EPHB1: variants seen among roughly 807,000 people sequenced by gnomAD.
EPHB1 encodes the protein ephrin type-B receptor 1.
EPHB1 carries 30 observed loss-of-function variants against 94.4 expected under a neutral mutation model. That is an observed-to-expected ratio of 0.32 (90% CI 0.24 to 0.43). EPHB1 has a LOEUF of 0.43. Among genes scored for constraint, EPHB1 ranks in the 20% least tolerant of loss-of-function variants. EPHB1 has a pLI of 1.00. For missense variants in EPHB1, 1,055 were observed against 1,308.3 expected, an observed-to-expected ratio of 0.81 and a Z score of 2.99; for synonymous variants, 522 against 489.1, an observed-to-expected ratio of 1.07 and a Z score of -0.89.
At position 135,259,315 on chromosome 3, in the gene EPHB1, C is replaced by T. The variant is rs1212635049; in HGVS notation, c.*195C>T. 8 of 446,006 alleles carry T rather than the reference C, an allele frequency of 1.8e-5. No homozygotes were observed. Among genetic ancestry groups the T allele is most frequent in the Non-Finnish European group, 3.2e-5 (8 of 250,194 alleles). 27.6% of individuals were successfully genotyped at this position (446,006 alleles called of 1,614,324 possible). On this transcript the variant is annotated 3_prime_UTR_variant, in exon 16 of 16. Transcript: ENST00000398015. ...CAGTGACAGAAGCATGTTTGAGATG[C>T]CGTGGGAAACCAAATATATAATAAT...
At chr3:134,995,074 A>T (rs1934945520) in intron 3 of EPHB1, among the ~76,000 whole-genome samples, 1 of 152,118 alleles carries the variant, frequency 6.6e-6, no homozygotes, top group Non-Finnish European at 1.5e-5. Context: ...CATAGTCAAG[A>T]CACAGAACAG....
chr3:134,978,095 C>A, intron 3 of EPHB1: 1 of 417,550 alleles, frequency 2.4e-6, no homozygotes. Context: ...GCTTGTGGAG[C>A]CTCAAAAATG....
chr3:135,200,037 T>C (rs1235383744), intron 11 of EPHB1, among the ~76,000 whole-genome samples: 1 of 152,166 alleles, frequency 6.6e-6, no homozygotes, highest in African/African-American at 2.4e-5. Flanking sequence ...GCAGTAAACA[T>C]AGACTAGACC....
intron 1 of EPHB1, among the ~76,000 whole-genome samples, chr3:134,828,899 G>A (rs547065851): frequency 2.6e-5 from 4 of 152,282 alleles, no homozygotes; most frequent in Non-Finnish European, 4.4e-5. Flanking sequence ...GCAGGGTCCC[G>A]TCCCTGGACG....
chr3:135,015,902 C>A (rs1209142539), intron 3 of EPHB1, among the ~76,000 whole-genome samples: 1 of 152,140 alleles, frequency 6.6e-6, no homozygotes, highest in African/African-American at 2.4e-5. Flanking sequence ...CCAGACAGGA[C>A]AAAGGCCCTG....
At chr3:135,201,417 C>G in intron 11 of EPHB1, 57 bp from the exon 12 acceptor site, 1 of 1,569,924 alleles carries the variant, frequency 6.4e-7, no homozygotes, top group South Asian at 1.1e-5. Context: ...ACATCTCTCC[C>G]TCTGCTTAAC....
At chr3:135,135,711 C>G (rs1487238215) in intron 5 of EPHB1, among the ~76,000 whole-genome samples, 1 of 152,126 alleles carries the variant, frequency 6.6e-6, no homozygotes, top group Non-Finnish European at 1.5e-5. Context: ...GCCACCTGTC[C>G]TACTGTTTGA....
chr3:134,819,804 G>T (rs2036346912), intron 1 of EPHB1, among the ~76,000 whole-genome samples: 1 of 152,112 alleles, frequency 6.6e-6, no homozygotes, highest in South Asian at 2.1e-4. Context: ...GGAGGCCTCT[G>T]TTGCCTTCTT....
chr3:134,913,133 G>A (rs1172858930), intron 1 of EPHB1, among the ~76,000 whole-genome samples: 5 of 152,148 alleles, frequency 3.3e-5, no homozygotes, highest in Admixed American at 2.0e-4. Context: ...ATCCATAGTC[G>A]CCCCCGTCCA....
chr3:135,047,561 C>G (rs1937037491), intron 3 of EPHB1, among the ~76,000 whole-genome samples: 1 of 152,208 alleles, frequency 6.6e-6, no homozygotes, highest in Admixed American at 6.5e-5. Flanking sequence ...GCTTCCCTGC[C>G]TGCAGCTCTC....
At chr3:134,969,518 G>A (rs972360109) in intron 3 of EPHB1, among the ~76,000 whole-genome samples, 1 of 152,138 alleles carries the variant, frequency 6.6e-6, no homozygotes. Flanking sequence ...AGACACGCTA[G>A]TTTCTGTTTC....
intron 1 of EPHB1, among the ~76,000 whole-genome samples, chr3:134,857,488 G>A (rs74832988): frequency 0.053 from 8,057 of 152,134 alleles, 252 homozygotes; most frequent in South Asian, 0.11. Flanking sequence ...CCTGGGGTCC[G>A]TGCCCACTCC....
At chr3:135,173,367 T>C (rs1385851799) in intron 9 of EPHB1, among the ~76,000 whole-genome samples, 1 of 152,176 alleles carries the variant, frequency 6.6e-6, no homozygotes, top group East Asian at 1.9e-4. Context: ...GCAGCTATGG[T>C]CTACTTTCCT....
intron 13 of EPHB1, among the ~76,000 whole-genome samples, chr3:135,245,841 G>T (rs951802354): frequency 1.3e-5 from 2 of 148,548 alleles, no homozygotes; most frequent in Non-Finnish European, 3.0e-5. Context: ...CCAATGAGAT[G>T]CCATGATGCC....
chr3:135,058,838 C>A (rs1937416021), intron 3 of EPHB1, among the ~76,000 whole-genome samples: 1 of 152,188 alleles, frequency 6.6e-6, no homozygotes, highest in Admixed American at 6.5e-5. Flanking sequence ...CCCTGCAGGG[C>A]TCCTCCAACA....
intron 10 of EPHB1, among the ~76,000 whole-genome samples, chr3:135,183,016 TTTTCTTTTCTTTTCTTTC>T (rs1374852859): frequency 0.012 from 894 of 74,290 alleles, 6 homozygotes; most frequent in African/African-American, 0.029. Context: ...TTTTCTTTTC[TTTTCTTTTCTTTTCTTTC>T]TTTCTTTCTT....
chr3:135,202,146 C>T (rs1168596970), intron 12 of EPHB1, among the ~76,000 whole-genome samples: 1 of 152,128 alleles, frequency 6.6e-6, no homozygotes, highest in East Asian at 1.9e-4. Flanking sequence ...CTCTAAGTAC[C>T]GTCAACACGA....
At chr3:135,211,680 T>G (rs1418246538) in intron 12 of EPHB1, among the ~76,000 whole-genome samples, 1 of 152,254 alleles carries the variant, frequency 6.6e-6, no homozygotes, top group Non-Finnish European at 1.5e-5. Flanking sequence ...ATTGTTCTCC[T>G]ACATATATAT....
chr3:135,194,465 C>T (rs1372687715), intron 11 of EPHB1, among the ~76,000 whole-genome samples: 1 of 152,088 alleles, frequency 6.6e-6, no homozygotes, highest in Admixed American at 6.5e-5. Context: ...GCCAGACAAG[C>T]GAGAAGCAGG....
Sources: allele counts gnomAD v4.1 joint callset (sites outside exome capture counted in the v4.1 genomes callset), GRCh38; gene constraint gnomAD v4.1.1; transcripts MANE v1.5; gene names NCBI Gene and HGNC (gene_info 2026-07-23, HGNC 2026-07-21).